The following NF1 variants were observed in gnomAD, a reference collection of about 807,000 sequenced individuals.
NF1 encodes the protein neurofibromin.
A neutral mutation model predicts 325.7 loss-of-function variants in NF1; 122 were observed. The ratio of observed to expected loss-of-function variants is 0.37; its 90% CI spans 0.32 to 0.44. The LOEUF (loss-of-function observed/expected upper bound fraction) is 0.44, where lower values mean the gene tolerates loss of function less well. NF1 is among the 20% of genes least tolerant of loss of function. The pLI, the probability that NF1 is intolerant of heterozygous loss-of-function variation, is 1.00. For missense variants in NF1, 2,140 were observed against 3,415.4 expected (o/e 0.63, Z 9.31); for synonymous variants, 1,091 against 1,186.0 (o/e 0.92, Z 1.65).
intron 17 of NF1, 46 bp from the exon 18 acceptor site, chr17:31,226,389 A>T: frequency 6.3e-7 from 1 of 1,596,708 alleles, no homozygotes; most frequent in South Asian, 1.1e-5. Flanking sequence ...TTTATACATA[A>T]AATTACCCAA....
At chr17:31,322,401 A>G (rs2069225845) in intron 36 of NF1, among the ~76,000 whole-genome samples, 1 of 147,142 alleles carries the variant, frequency 6.8e-6, no homozygotes, top group African/African-American at 2.5e-5. Context: ...AATAGCTTGA[A>G]CCCGGGACGT....
rs1441153485 is a variant in NF1, at chr17:31,156,126, G to A, written c.204G>A (p.Met68Ile). The change falls in exon 2 of 58, where the codon ATG becomes ATA. Residue 68 changes from methionine to isoleucine, a missense_variant and splice_region_variant. Physicochemically the swap from Met to Ile is conservative, Grantham distance 10. Coordinates refer to ENST00000358273, the MANE Select transcript of NF1 (RefSeq NM_001042492.3). Reference sequence around the variant, plus strand: ...CTATTTTAAAGAATGTTAACAATATGGTGAGTATTTGGGTTACTGTGTTTT... The same window carrying A: ...CTATTTTAAAGAATGTTAACAATATAGTGAGTATTTGGGTTACTGTGTTTT... ...LTTILKNVNNMRIFGEAAEKN... is the reference protein window; with the variant it reads ...LTTILKNVNNIRIFGEAAEKN... 6.2e-7 allele frequency: 1 copy of A among 1,613,422 alleles called. No homozygotes were observed. The highest frequency in any genetic ancestry group is 1.7e-4 in the Middle Eastern group (1 of 5,992).
intron 1 of NF1, among the ~76,000 whole-genome samples, chr17:31,116,161 A>G (rs1337449759): frequency 2.6e-5 from 4 of 152,258 alleles, no homozygotes; most frequent in South Asian, 2.1e-4. Context: ...TATGGGTTGT[A>G]TGGTTGAAAA....
intron 15 of NF1, among the ~76,000 whole-genome samples, chr17:31,223,097 C>A (rs17881503): frequency 1.1e-4 from 17 of 152,102 alleles, no homozygotes; most frequent in African/African-American, 4.1e-4. Context: ...CTTGCAGACC[C>A]CCACTGTGGA....
At chr17:31,287,501 C>T (rs1391499293) in intron 36 of NF1, among the ~76,000 whole-genome samples, 1 of 149,272 alleles carries the variant, frequency 6.7e-6, no homozygotes, top group South Asian at 2.1e-4. Flanking sequence ...TTAGTGAGTG[C>T]GTATGTATGT....
chr17:31,318,522 A>G (rs2069087848), intron 36 of NF1: 1 of 1,613,984 alleles, frequency 6.2e-7, no homozygotes, highest in African/African-American at 1.3e-5. Flanking sequence ...GTCTGAGAGA[A>G]GAGACTTTGT....
At chr17:31,200,936 A>C in intron 9 of NF1, 101 bp from the exon 10 acceptor site, 1 of 1,512,896 alleles carries the variant, frequency 6.6e-7, no homozygotes, top group Non-Finnish European at 9.2e-7. Flanking sequence ...GCTGGATTTT[A>C]CTGCCATTTG....
intron 14 of NF1, among the ~76,000 whole-genome samples, chr17:31,221,047 A>G (rs1013276794): frequency 6.6e-6 from 1 of 152,148 alleles, no homozygotes; most frequent in African/African-American, 2.4e-5. Flanking sequence ...TATGTTGACC[A>G]AGGACTGAAA....
intron 36 of NF1, among the ~76,000 whole-genome samples, chr17:31,269,363 C>T (rs73988045): frequency 0.11 from 16,084 of 152,120 alleles, 2,433 homozygotes; most frequent in African/African-American, 0.34. Flanking sequence ...TAGCATAATA[C>T]AAGGACATTG....
At chr17:31,300,897 G>A (rs556801297) in intron 36 of NF1, among the ~76,000 whole-genome samples, 2 of 152,042 alleles carry the variant, frequency 1.3e-5, no homozygotes, top group Non-Finnish European at 2.9e-5. Flanking sequence ...TTATGAGGGG[G>A]AGTATATGTC....
chr17:31,292,197 T>C (rs2068356546), intron 36 of NF1, among the ~76,000 whole-genome samples: 3 of 152,098 alleles, frequency 2.0e-5, no homozygotes, highest in African/African-American at 7.2e-5. Flanking sequence ...GCCTTAGAGA[T>C]GGATGGGTGA....
intron 1 of NF1, among the ~76,000 whole-genome samples, chr17:31,151,046 AAAT>A (rs1284218472): frequency 1.3e-4 from 4 of 31,958 alleles, no homozygotes; most frequent in Non-Finnish European, 3.3e-4. Context: ...AAAAAAAAAT[AAAT>A]AAATAAATAA....
chr17:31,294,710 T>G (rs913693074), intron 36 of NF1: 2 of 419,320 alleles, frequency 4.8e-6, no homozygotes, highest in South Asian at 2.3e-5. Context: ...AAATACATAT[T>G]AAAGTTTAGA....
At chr17:31,364,612 A>G (rs1313228070) in intron 57 of NF1, among the ~76,000 whole-genome samples, 1 of 152,254 alleles carries the variant, frequency 6.6e-6, no homozygotes, top group African/African-American at 2.4e-5. Flanking sequence ...TCACTTACAT[A>G]AAGCAATTGT....
At chr17:31,308,605 A>G (rs916920364) in intron 36 of NF1, among the ~76,000 whole-genome samples, 5 of 151,522 alleles carry the variant, frequency 3.3e-5, no homozygotes, top group African/African-American at 9.7e-5. Context: ...AGACACTTCT[A>G]TGCTGTTTTT....
intron 36 of NF1, chr17:31,317,583 T>C (rs2069057303): frequency 6.6e-6 from 1 of 152,220 alleles, no homozygotes; most frequent in Non-Finnish European, 1.5e-5. Flanking sequence ...ATAAATCTTA[T>C]TTATTTTAGT....
chr17:31,193,669 AAAAAC>A (rs71360765), intron 8 of NF1, among the ~76,000 whole-genome samples: 24,725 of 151,952 alleles, frequency 0.16, 2,532 homozygotes, highest in Middle Eastern at 0.24. Flanking sequence ...CTCAACAGCA[AAAAAC>A]AAAACAAAAC....
In NF1 at chr17:31,294,491, G is replaced by A. The variant is rs544862110; in HGVS notation, c.4835+29152G>A. 3 of 167,442 alleles carry A rather than the reference G, an allele frequency of 1.8e-5. No homozygotes were observed. The East Asian group carries it at 5.1e-4, about 28-fold the overall frequency. 10.4% of individuals were successfully genotyped at this position (167,442 alleles called of 1,614,324 possible). A position where few individuals can be genotyped will look rare whatever the true frequency, so the allele number is the denominator to read the frequency against. ...ATAATGTTGTAGCATAACCATTCAT[G>A]GGATGGCAGCTACGATTTTACTTCA... On this transcript the variant is annotated intron_variant, in intron 36 of 57. Transcript: ENST00000358273.
chr17:31,304,941 T>C (rs1431699823), intron 36 of NF1: 9 of 1,614,164 alleles, frequency 5.6e-6, no homozygotes, highest in Non-Finnish European at 6.8e-6. Context: ...ATTTCCAAAG[T>C]ACAATGATGA....
Sources: gnomAD v4.1 joint callset for allele counts (sites outside exome capture counted in the v4.1 genomes callset) on GRCh38, gnomAD v4.1.1 for gene constraint, MANE v1.5 for transcripts, NCBI Gene and HGNC (gene_info 2026-07-23, HGNC 2026-07-21) for gene names.